FAM83G: variants seen among roughly 807,000 people sequenced by gnomAD.
The protein encoded by FAM83G is protein FAM83G.
A neutral mutation model predicts 61.5 loss-of-function variants in FAM83G; 38 were observed. That is an observed-to-expected ratio of 0.62 (90% CI 0.48 to 0.81). The LOEUF is 0.81. Ranked by LOEUF, FAM83G falls within the 30% of genes least tolerant of loss-of-function variation. The pLI, the probability that FAM83G is intolerant of heterozygous loss-of-function variation, is 0.00. For missense variants in FAM83G, 989 were observed against 1,133.6 expected (o/e 0.87, Z 1.83); for synonymous variants, 470 against 476.1 (o/e 0.99, Z 0.17).
chr17:18,972,144 G>A (rs899110841), intron 5 of FAM83G, among the ~76,000 whole-genome samples: 1 of 152,200 alleles, frequency 6.6e-6, no homozygotes, highest in Admixed American at 6.5e-5. Flanking sequence ...GGTGACCTCA[G>A]ATGAGCTGCT....
Position 18,971,332 on chromosome 17 carries a change from G to C in FAM83G, c.*27C>G, listed in dbSNP as rs767417633. ...ATGAGTCTGGGCTGGGGCCTCAGAA[G>C]GTGTGGCTCCAGGCTGGGACATGCT... On this transcript the variant is annotated 3_prime_UTR_variant, in exon 6 of 6. Transcript: ENST00000388995. This position sits in a 1 kb window ranked among gnomAD's most constrained non-coding sequence, Gnocchi z 5.5. 15 of 1,606,598 alleles carry C rather than the reference G, an allele frequency of 9.3e-6. No individual in the cohort carries two copies. The highest frequency in any genetic ancestry group is 1.3e-5 in the Non-Finnish European group (15 of 1,175,368).
At chr17:19,002,332 C>T (rs545575019) in intron 2 of FAM83G, among the ~76,000 whole-genome samples, 12 of 152,360 alleles carry the variant, frequency 7.9e-5, no homozygotes, top group Admixed American at 2.6e-4. Flanking sequence ...AACTGGTCCC[C>T]TTGTTGGGCA....
intron 5 of FAM83G, among the ~76,000 whole-genome samples, chr17:18,974,980 G>T (rs2042943665): frequency 6.6e-6 from 1 of 152,170 alleles, no homozygotes; most frequent in South Asian, 2.1e-4. Context: ...GGACTGGCAG[G>T]CCTCACAGCT....
chr17:18,968,831 G>A lies in FAM83G; in HGVS notation c.*2528C>T, dbSNP rs916952284. 3.6e-6 allele frequency: 2 copies of A among 562,482 alleles called. No individual in the cohort carries two copies. Among genetic ancestry groups the A allele is most frequent in the Non-Finnish European group, 3.2e-6 (1 of 317,306 alleles). The allele number at this position is 562,482 out of a possible 1,614,324, so 34.8% of individuals were successfully genotyped here. A position where few individuals can be genotyped will look rare whatever the true frequency, so the allele number is the denominator to read the frequency against. On this transcript the variant is annotated 3_prime_UTR_variant, in exon 6 of 6. Coordinates refer to ENST00000388995, the MANE Select transcript of FAM83G (RefSeq NM_001039999.3). This position sits in a 1 kb window ranked among gnomAD's most constrained non-coding sequence, Gnocchi z 4.1. ...GCCACTTTGGACTTTATTAGCAACA[G>A]TAATGTCCCCTGACATCCGCACAAG...
chr17:18,999,648 A>G lies in FAM83G; in HGVS notation c.522+3872T>C, dbSNP rs529574553. The stretch of plus-strand genomic sequence containing the variant: ...GTAAGCACCTCATTAAGCTGCTTCT[A>G]TTCTCTCAGAGCCAAGCTGTGGGCC... On this transcript the variant is annotated intron_variant, in intron 2 of 5. Coordinates refer to ENST00000388995, the MANE Select transcript of FAM83G (RefSeq NM_001039999.3). Among the ~76,000 whole-genome samples, 8 of 152,346 alleles carry G rather than the reference A, an allele frequency of 5.3e-5. No homozygotes were observed. The South Asian group carries it at 1.7e-3, about 32-fold the overall frequency.
Position 18,996,082 on chromosome 17 carries a change from T to TG in FAM83G, c.522+7437_522+7438insC, listed in dbSNP as rs2043564660. On this transcript the variant is annotated intron_variant, in intron 2 of 5. Transcript: ENST00000388995. This position sits in a 1 kb window ranked among gnomAD's most constrained non-coding sequence, Gnocchi z 4.4. The stretch of plus-strand genomic sequence containing the variant: ...AGGAACAAAGTAAGTGGACTTCTCA[T>TG]CAGAATCACTGCAAGCCACAAGACA... Among the ~76,000 whole-genome samples the TG allele has an allele frequency of 3.2e-4, 48 of 150,206 alleles. 1 individual carries two copies. The South Asian group carries it at 8.2e-3, about 26-fold the overall frequency.
intron 2 of FAM83G, among the ~76,000 whole-genome samples, chr17:18,991,468 G>A (rs1289599666): frequency 6.6e-6 from 1 of 152,198 alleles, no homozygotes; most frequent in African/African-American, 2.4e-5. Flanking sequence ...AAGCCCACAC[G>A]TCCTCTCAGA....
Position 18,969,449 on chromosome 17 carries a change from G to C in FAM83G, c.*1910C>G. On this transcript the variant is annotated 3_prime_UTR_variant, in exon 6 of 6. Coordinates refer to ENST00000388995, the MANE Select transcript of FAM83G (RefSeq NM_001039999.3). ...TGAGGACAGAGTCTGTGGCCATGGCGGGGCTGTCCCCACAGCGAGCCCTTT... is the reference window on the plus strand; with the variant it reads ...TGAGGACAGAGTCTGTGGCCATGGCCGGGCTGTCCCCACAGCGAGCCCTTT... 2 of 1,604,272 alleles carry C rather than the reference G, an allele frequency of 1.2e-6. No homozygotes were observed. Among genetic ancestry groups the C allele is most frequent in the Non-Finnish European group, 1.7e-6 (2 of 1,172,032 alleles).
At position 18,977,164 on chromosome 17, in the gene FAM83G, G is replaced by A. The variant is rs756901230; in HGVS notation, c.2082+420C>T. On this transcript the variant is annotated intron_variant, in intron 5 of 5. Transcript: ENST00000388995. ...AATCAAAGGGATTAACATGGATGTG[G>A]CTTGGCACAAGGTCTGGACAGGTAT... 6 of 869,024 alleles carry A rather than the reference G, an allele frequency of 6.9e-6. No individual in the cohort carries two copies. The South Asian group carries it at 1.0e-4, about 15-fold the overall frequency. The allele number at this position is 869,024 out of a possible 1,614,324, so 53.8% of individuals were successfully genotyped here. A position where few individuals can be genotyped will look rare whatever the true frequency, so the allele number is the denominator to read the frequency against.
chr17:18,981,604 A>G (rs1597856425), intron 3 of FAM83G, among the ~76,000 whole-genome samples: 1 of 151,906 alleles, frequency 6.6e-6, no homozygotes, highest in Non-Finnish European at 1.5e-5. Flanking sequence ...CGTGTCCCAG[A>G]CCCCTGTGGC....
In FAM83G at chr17:18,969,472, T is replaced by C. The variant is rs2042784616; in HGVS notation, c.*1887A>G. ...GCGGGGCTGTCCCCACAGCGAGCCC[T>C]TTGGAGTCTGGCACTGCCCGGCACT... On this transcript the variant is annotated 3_prime_UTR_variant, in exon 6 of 6. Transcript: ENST00000388995. 2 of 1,556,948 alleles carry C rather than the reference T, an allele frequency of 1.3e-6. No homozygotes were observed. Among genetic ancestry groups the C allele is most frequent in the African/African-American group, 1.4e-5 (1 of 73,862 alleles).
intron 2 of FAM83G, among the ~76,000 whole-genome samples, chr17:18,992,366 G>A (rs2043448957): frequency 1.3e-5 from 2 of 152,122 alleles, no homozygotes; most frequent in Non-Finnish European, 2.9e-5. Context: ...GATCCCCAGT[G>A]CCCTGCCAGG....
chr17:18,984,260 C>G (rs1007490708), intron 3 of FAM83G, among the ~76,000 whole-genome samples: 1 of 147,214 alleles, frequency 6.8e-6, no homozygotes, highest in Non-Finnish European at 1.5e-5. Flanking sequence ...GATAATGGCA[C>G]GAACCCGGGA....
In FAM83G at chr17:19,000,614, G is replaced by A. The variant is rs547210552; in HGVS notation, c.522+2906C>T. Among the ~76,000 whole-genome samples, 7 of 152,278 alleles carry A rather than the reference G, an allele frequency of 4.6e-5. No individual in the cohort carries two copies. Among genetic ancestry groups the A allele is most frequent in the African/African-American group, 1.7e-4 (7 of 41,546 alleles). ...CGACAGGTAAGGTGAGTGAGGAGGC[G>A]GAAGGCTGGGCTGTCCTGACTCAGC... On this transcript the variant is annotated intron_variant, in intron 2 of 5. Transcript: ENST00000388995. The surrounding 1 kb of genome is among the most constrained non-coding windows in gnomAD (Gnocchi z 5.2).
rs1231769337 is a variant in FAM83G at position 18,988,363 on chromosome 17, G to C, written c.574C>G (p.Leu192Val). 2.5e-6 allele frequency: 4 copies of C among 1,614,232 alleles called. No individual in the cohort carries two copies. The highest frequency in any genetic ancestry group is 3.4e-6 in the Non-Finnish European group (4 of 1,180,050). ...TTCCTCTTGAAGCCGGCGTCCAGCA[G>C]GTCCTTGAAGATGTCCACGTCGGTG... ...MFTDVDIFKD[L>V]LDAGFKRKVA... The change falls in exon 3 of 6, where the codon CTG becomes GTG. Residue 192 changes from leucine (L) to valine (V), a missense_variant. Physicochemically the swap from Leu to Val is conservative, Grantham distance 32. Coordinates refer to ENST00000388995, the MANE Select transcript of FAM83G (RefSeq NM_001039999.3).
intron 5 of FAM83G, chr17:18,976,072 C>CCAG (rs1480524988): frequency 6.6e-6 from 1 of 150,956 alleles, no homozygotes; most frequent in Non-Finnish European, 1.5e-5. Context: ...GCCTGTTGTC[C>CCAG]CAGCTACTTG....
At chr17:18,975,549 C>G (rs375946860) in intron 5 of FAM83G, among the ~76,000 whole-genome samples, 10 of 152,216 alleles carry the variant, frequency 6.6e-5, no homozygotes, top group African/African-American at 2.4e-4. Context: ...AAAAAATTAG[C>G]CGGGCGTGGT....
In FAM83G at chr17:18,971,627, C is replaced by T. The variant is rs951624236; in HGVS notation, c.2204G>A (p.Gly735Asp). The stretch of plus-strand genomic sequence containing the variant: ...GTGGTGGGGGCCAGCCATGGCTGGG[C>T]CAGCGTTTCTGGTAGAGCTCTGGAC... The part of the protein sequence containing the change: ...DSVQSSTRNA[G>D]PAMAGPHHWQ... Residue 735 changes from glycine (G) to aspartate (D), a missense_variant, in exon 6 of 6, where the codon GGC becomes GAC. By Grantham distance (94) the Gly-to-Asp change is moderately conservative. Around this residue, in one of 3 missense-constraint regions of FAM83G, gnomAD observed 574 missense variants for 645.1 expected, o/e 0.89. Transcript: ENST00000388995. The surrounding 1 kb of genome is among the most constrained non-coding windows in gnomAD (Gnocchi z 5.5). The T allele has an allele frequency of 6.2e-7, 1 of 1,613,436 alleles. No individual in the cohort carries two copies. Among genetic ancestry groups the T allele is most frequent in the South Asian group, 1.1e-5 (1 of 91,076 alleles).
At chr17:18,986,445 A>C (rs2043270392) in intron 3 of FAM83G, 1 of 152,104 alleles carries the variant, frequency 6.6e-6, no homozygotes, top group Admixed American at 6.5e-5. Flanking sequence ...GCCACCCCTA[A>C]ATTGGTCGGA....
Sources: gnomAD v4.1 joint callset for allele counts (sites outside exome capture counted in the v4.1 genomes callset) on GRCh38, gnomAD v4.1.1 for gene constraint, gnomAD v4.1.1 regional missense constraint, Gnocchi (gnomAD v3.1) non-coding constraint, MANE v1.5 for transcripts, NCBI Gene and HGNC (gene_info 2026-07-23, HGNC 2026-07-21) for gene names.